Variants in CYP19A1 observed in about 807,000 individuals in gnomAD.
The protein encoded by CYP19A1 is cytochrome P450 family 19 subfamily A member 1, also known as aromatase.
CYP19A1 carries 32 observed loss-of-function variants against 44.4 expected under a neutral mutation model. The ratio of observed to expected loss-of-function variants is 0.72; its 90% CI spans 0.54 to 0.97. The LOEUF (loss-of-function observed/expected upper bound fraction) is 0.97, where lower values mean the gene tolerates loss of function less well. Among genes scored for constraint, CYP19A1 ranks in the 50% least tolerant of loss-of-function variants. The pLI is 0.00. For synonymous variants in CYP19A1, 212 were observed against 215.6 expected (o/e 0.98, Z 0.14); for missense variants, 598 against 637.8 (o/e 0.94, Z 0.67).
rs375736488 is a variant in CYP19A1 at position 51,212,505 on chromosome 15, T to A, written c.1078A>T (p.Ile360Phe). 1.7e-5 allele frequency: 27 copies of A among 1,578,014 alleles called. No individual in the cohort carries two copies. The highest frequency in any genetic ancestry group is 4.0e-5 in the African/African-American group (3 of 74,224). Residue 360 changes from isoleucine to phenylalanine, a missense_variant, in exon 9 of 10, where the codon ATT becomes TTT. By Grantham distance (21) the Ile-to-Phe change is conservative. Coordinates refer to ENST00000396402, the MANE Select transcript of CYP19A1 (RefSeq NM_000103.4). ...GGCTGGTACCGCATGCTCTCATAAA[T>A]GAAGTTTTCCATCACTTTTAATTTT... Reference protein sequence around the residue: ...IQKLKVMENFIYESMRYQPVV... With the variant: ...IQKLKVMENFFYESMRYQPVV...
intron 1 of CYP19A1, among the ~76,000 whole-genome samples, chr15:51,330,933 G>A (rs1416191124): frequency 6.6e-6 from 1 of 152,140 alleles, no homozygotes; most frequent in Non-Finnish European, 1.5e-5. Context: ...ATGTTTGGTG[G>A]GAGAAGAAGC....
chr15:51,307,706 C>T (rs538855413), intron 1 of CYP19A1, among the ~76,000 whole-genome samples: 1 of 152,282 alleles, frequency 6.6e-6, no homozygotes, highest in Non-Finnish European at 1.5e-5. Flanking sequence ...GCCTCAATTT[C>T]CTTCTCATGG....
At chr15:51,278,035 T>C (rs2035386326) in intron 1 of CYP19A1, 1 of 151,600 alleles carries the variant, frequency 6.6e-6, no homozygotes, top group Non-Finnish European at 1.5e-5. Flanking sequence ...TTCTAGTTTT[T>C]GGACTCTTGA....
intron 1 of CYP19A1, among the ~76,000 whole-genome samples, chr15:51,260,655 C>T (rs140727063): frequency 4.5e-4 from 68 of 152,262 alleles, no homozygotes; most frequent in African/African-American, 1.5e-3. Flanking sequence ...GGAAGGTGAC[C>T]GCACCTACCT....
At chr15:51,259,774 T>C (rs1231555166) in intron 1 of CYP19A1, among the ~76,000 whole-genome samples, 1 of 152,052 alleles carries the variant, frequency 6.6e-6, no homozygotes, top group Non-Finnish European at 1.5e-5. Flanking sequence ...AGAAAGCCAG[T>C]ATGAGTGGGC....
rs28757164 is a variant in CYP19A1 at position 51,242,995 on chromosome 15, G to T, written c.-38-45C>A. On this transcript the variant is annotated intron_variant, in intron 1 of 9. Transcript: ENST00000396402. ...AGAAAAATTACAGAATCCCCTAAAA[G>T]GTTCATCTATAGCTCCTGTTGCTTC... 7.5e-3 allele frequency: 7,148 copies of T among 956,782 alleles called. 310 individuals are homozygous for T. The African/African-American group carries it at 0.099, about 13-fold the overall frequency. The allele number at this position is 956,782 out of a possible 1,614,324, so 59.3% of individuals were successfully genotyped here.
At chr15:51,257,938 A>G (rs1358202332) in intron 1 of CYP19A1, among the ~76,000 whole-genome samples, 1 of 152,202 alleles carries the variant, frequency 6.6e-6, no homozygotes, top group Admixed American at 6.5e-5. Context: ...AATAGCTAAC[A>G]CTTATTAAGT....
At chr15:51,255,780 A>G (rs923932411) in intron 1 of CYP19A1, 3 of 152,218 alleles carry the variant, frequency 2.0e-5, no homozygotes, top group Admixed American at 1.3e-4. Flanking sequence ...TGATTTAAGT[A>G]ATGAGATTAC....
intron 1 of CYP19A1, among the ~76,000 whole-genome samples, chr15:51,310,584 G>C (rs1397929813): frequency 3.3e-5 from 5 of 152,208 alleles, no homozygotes; most frequent in African/African-American, 1.2e-4. Flanking sequence ...AAAATCTCAA[G>C]AGAAAACCTG....
intron 6 of CYP19A1, 107 bp downstream of exon 6, chr15:51,218,434 C>T (rs2031774030): frequency 8.0e-6 from 12 of 1,494,380 alleles, no homozygotes; most frequent in Non-Finnish European, 1.1e-5. Context: ...CTTGTGGGCT[C>T]TAGAGAGCAG....
At position 51,307,659 on chromosome 15, in the gene CYP19A1, T is replaced by A. The variant is rs537952397; in HGVS notation, c.-39+30836A>T. On this transcript the variant is annotated intron_variant, in intron 1 of 9. Transcript: ENST00000396402. The stretch of plus-strand genomic sequence containing the variant: ...TTCCATGGGCTCCCGTATATCATCA[T>A]CTTTGGTTCCCAGCTAAGCTGTCAA... Among the ~76,000 whole-genome samples, 3 of 152,272 alleles carry A rather than the reference T, an allele frequency of 2.0e-5. No individual in the cohort carries two copies. The East Asian group carries it at 5.8e-4, about 29-fold the overall frequency.
chr15:51,271,198 G>A (rs565609773), intron 1 of CYP19A1, among the ~76,000 whole-genome samples: 1 of 152,000 alleles, frequency 6.6e-6, no homozygotes, highest in South Asian at 2.1e-4. Context: ...AATCACCCAG[G>A]TCATACAGTC....
Position 51,218,598 on chromosome 15 carries a change from A to G in CYP19A1, c.686T>C (p.Ile229Thr), listed in dbSNP as rs973140439. 1.9e-6 allele frequency: 3 copies of G among 1,613,896 alleles called. No individual in the cohort carries two copies. The East Asian group carries it at 6.7e-5, about 36-fold the overall frequency. The stretch of plus-strand genomic sequence containing the variant: ...AATCTTAAAGAAGATGTCTGGTTTG[A>G]TGAGGAGAGCTTGCCATGCATCAAA... ...GYFDAWQALL[I>T]KPDIFFKISW... The change falls in exon 6 of 10, where the codon ATC becomes ACC. Residue 229 changes from isoleucine (I) to threonine (T), a missense_variant. Transcript: ENST00000396402.
Position 51,261,453 on chromosome 15 carries a change from C to T in CYP19A1, c.-38-18503G>A, listed in dbSNP as rs141142605. ...AAATGAGTAATGGGTATTATTAACA[C>T]GACCTACCAAAACTTCATAAAAAAG... is the stretch of plus-strand genomic sequence containing the variant. On this transcript the variant is annotated intron_variant, in intron 1 of 9. Transcript: ENST00000396402. Among the ~76,000 whole-genome samples the T allele has an allele frequency of 4.2e-3, 635 of 152,294 alleles. 7 individuals carry two copies. Among genetic ancestry groups the T allele is most frequent in the African/African-American group, 8.5e-3 (355 of 41,550 alleles).
intron 4 of CYP19A1, among the ~76,000 whole-genome samples, chr15:51,225,236 C>T (rs1045415830): frequency 3.9e-5 from 6 of 152,082 alleles, no homozygotes; most frequent in Non-Finnish European, 5.9e-5. Context: ...AAGATGAGAA[C>T]GGTGGGGTGT....
At chr15:51,237,578 C>T (rs1184934387) in intron 2 of CYP19A1, among the ~76,000 whole-genome samples, 1 of 152,162 alleles carries the variant, frequency 6.6e-6, no homozygotes, top group East Asian at 1.9e-4. Context: ...TCAAAAAAGA[C>T]TCCGTTTAAG....
intron 1 of CYP19A1, among the ~76,000 whole-genome samples, chr15:51,275,388 G>A (rs1202620976): frequency 6.6e-6 from 1 of 152,192 alleles, no homozygotes; most frequent in Non-Finnish European, 1.5e-5. Context: ...GCCCTACTCA[G>A]AGCTTTTGCT....
intron 7 of CYP19A1, 123 bp from the exon 8 acceptor site, chr15:51,215,355 G>A: frequency 7.0e-7 from 1 of 1,419,910 alleles, no homozygotes. Context: ...ACATGTCTCT[G>A]TGATTGACTG....
rs574990274 is a variant in CYP19A1 at position 51,221,948 on chromosome 15, T to C, written c.628+401A>G. 2.3e-5 allele frequency: 6 copies of C among 255,750 alleles called. No individual in the cohort carries two copies. The East Asian group carries it at 4.7e-4, about 20-fold the overall frequency. 15.8% of individuals were successfully genotyped at this position (255,750 alleles called of 1,614,324 possible). On this transcript the variant is annotated intron_variant, in intron 5 of 9. Coordinates refer to ENST00000396402, the MANE Select transcript of CYP19A1 (RefSeq NM_000103.4). The stretch of plus-strand genomic sequence containing the variant: ...AGTAGCTTTGAGGGAGGAGTGTGTG[T>C]ATATATGTGTGGGTATGTATGTATA...
Sources: gnomAD v4.1 joint callset for allele counts (sites outside exome capture counted in the v4.1 genomes callset) on GRCh38, gnomAD v4.1.1 for gene constraint, MANE v1.5 for transcripts, NCBI Gene and HGNC (gene_info 2026-07-23, HGNC 2026-07-21) for gene names.